Variants in CBL observed in about 807,000 individuals in gnomAD.
CBL encodes Cbl proto-oncogene.
In CBL, 45 loss-of-function variants were observed where a neutral mutation model predicts 96.9. The observed-to-expected ratio is 0.46, with a 90% confidence interval of 0.37 to 0.60. The LOEUF (loss-of-function observed/expected upper bound fraction) is 0.60. Among genes scored for constraint, CBL ranks in the 20% least tolerant of loss-of-function variants. The pLI is 0.00. For synonymous variants in CBL, 420 were observed against 426.8 expected (o/e 0.98, Z 0.20); for missense variants, 1,024 against 1,143.5 (o/e 0.90, Z 1.51).
chr11:119,301,473 T>A lies in CBL; in HGVS notation c.*1692T>A, dbSNP rs897169165. 11 of 224,122 alleles carry A rather than the reference T, an allele frequency of 4.9e-5. No individual in the cohort carries two copies. The highest frequency in any genetic ancestry group is 1.3e-3 in the Middle Eastern group (1 of 782). 13.9% of individuals were successfully genotyped at this position (224,122 alleles called of 1,614,324 possible). A position where few individuals can be genotyped will look rare whatever the true frequency, so the allele number is the denominator to read the frequency against. On this transcript the variant is annotated 3_prime_UTR_variant, in exon 16 of 16. Coordinates refer to ENST00000264033, the MANE Select transcript of CBL (RefSeq NM_005188.4). Reference sequence around the variant, plus strand: ...TGATAAATCTGTCTTCCTGAAAATCTAAATCATGCTTTTGTCTTTAGATCT... The same window carrying A: ...TGATAAATCTGTCTTCCTGAAAATCAAAATCATGCTTTTGTCTTTAGATCT...
chr11:119,302,774 A>G lies in CBL; in HGVS notation c.*2993A>G, dbSNP rs1165326652. On this transcript the variant is annotated 3_prime_UTR_variant, in exon 16 of 16. Transcript: ENST00000264033. The stretch of plus-strand genomic sequence containing the variant: ...TCATATACCTCCCTTTAGTTAAGTA[A>G]TAGACCAGGCAGCTTCTCATCTCAG... 1 of 230,982 alleles carries G rather than the reference A, an allele frequency of 4.3e-6. No homozygotes were observed. The highest frequency in any genetic ancestry group is 2.2e-5 in the African/African-American group (1 of 45,240). The allele number at this position is 230,982 out of a possible 1,614,324, so 14.3% of individuals were successfully genotyped here. A position where few individuals can be genotyped will look rare whatever the true frequency, so the allele number is the denominator to read the frequency against.
intron 12 of CBL, among the ~76,000 whole-genome samples, chr11:119,294,063 T>C (rs1402841781): frequency 2.6e-5 from 4 of 152,250 alleles, no homozygotes; most frequent in Non-Finnish European, 5.9e-5. Context: ...AAAGCATATA[T>C]TGCCAACATG....
chr11:119,265,177 A>C (rs962018225), intron 2 of CBL, among the ~76,000 whole-genome samples: 1 of 152,196 alleles, frequency 6.6e-6, no homozygotes, highest in African/African-American at 2.4e-5. Flanking sequence ...TGCTGCGCCC[A>C]GCCTAAATTA....
chr11:119,292,073 G>T (rs969110735), intron 12 of CBL, among the ~76,000 whole-genome samples: 1 of 152,024 alleles, frequency 6.6e-6, no homozygotes, highest in Admixed American at 6.6e-5. Context: ...GGCTGGTCTC[G>T]AACTGCTAAT....
At position 119,235,816 on chromosome 11, in the gene CBL, CTG is replaced by C. The variant is rs372453208; in HGVS notation, c.443+3123_443+3124del. ...TAAACCTCACTGTCAGTGTGCCTGT[CTG>C]TATCAATTTTATTCCCCCTAACATG... On this transcript the variant is annotated intron_variant, in intron 2 of 15. Transcript: ENST00000264033. 8.1e-4 allele frequency among the ~76,000 whole-genome samples: 123 copies of C among 152,204 alleles called. 1 individual carries two copies. Among genetic ancestry groups the C allele is most frequent in the African/African-American group, 2.8e-3 (118 of 41,526 alleles).
At chr11:119,255,750 A>G (rs1949706471) in intron 2 of CBL, among the ~76,000 whole-genome samples, 1 of 152,182 alleles carries the variant, frequency 6.6e-6, no homozygotes, top group South Asian at 2.1e-4. Flanking sequence ...GCAAAATTCT[A>G]TAATATATCA....
intron 1 of CBL, among the ~76,000 whole-genome samples, chr11:119,216,855 C>T (rs1949365579): frequency 6.6e-6 from 1 of 152,114 alleles, no homozygotes; most frequent in Non-Finnish European, 1.5e-5. Flanking sequence ...CCTCCCATCT[C>T]CCTACCTGTC....
At chr11:119,211,204 TC>T (rs1949315850) in intron 1 of CBL, among the ~76,000 whole-genome samples, 1 of 151,988 alleles carries the variant, frequency 6.6e-6, no homozygotes, top group Non-Finnish European at 1.5e-5. Flanking sequence ...AAACCCTGTC[TC>T]TACTAAAAAT....
At chr11:119,239,779 T>A (rs368011827) in intron 2 of CBL, among the ~76,000 whole-genome samples, 2 of 151,964 alleles carry the variant, frequency 1.3e-5, no homozygotes, top group Non-Finnish European at 2.9e-5. Flanking sequence ...AGTTTTTGGT[T>A]GTTGTTTTTT....
Position 119,273,910 on chromosome 11 carries a change from A to G in CBL, c.633A>G (p.Glu211=). 1 of 1,614,088 alleles carries G rather than the reference A, an allele frequency of 6.2e-7. No homozygotes were observed. The highest frequency in any genetic ancestry group is 8.5e-7 in the Non-Finnish European group (1 of 1,179,936). The stretch of plus-strand genomic sequence containing the variant: ...AGAGCTTTCGACAGGCTCTACATGA[A>G]GTGCATCCCATCAGTTCTGGGCTGG... ...PWKSFRQALH[E]VHPISSGLEA... is the part of the protein sequence containing the mutation. Residue 211 remains glutamate (E), a synonymous_variant, in exon 4 of 16, where the codon GAA becomes GAG. Transcript: ENST00000264033.
chr11:119,232,824 G>T (rs1949514609), intron 2 of CBL, 129 bp downstream of exon 2: 3 of 935,748 alleles, frequency 3.2e-6, no homozygotes, highest in African/African-American at 3.3e-5. Flanking sequence ...TGATTTAAAG[G>T]TATAGTTTAT....
chr11:119,271,215 G>A (rs990918956), intron 2 of CBL, among the ~76,000 whole-genome samples: 2 of 152,086 alleles, frequency 1.3e-5, no homozygotes, highest in South Asian at 2.1e-4. Flanking sequence ...TTTTTCTTCC[G>A]TGATAGAGTG....
At chr11:119,252,628 G>A (rs1949677476) in intron 2 of CBL, among the ~76,000 whole-genome samples, 1 of 152,038 alleles carries the variant, frequency 6.6e-6, no homozygotes, top group South Asian at 2.1e-4. Context: ...GGCCGAGGCG[G>A]GTGGATCACC....
chr11:119,254,628 G>A (rs1378616833), intron 2 of CBL, among the ~76,000 whole-genome samples: 1 of 151,540 alleles, frequency 6.6e-6, no homozygotes, highest in Admixed American at 6.6e-5. Flanking sequence ...TTGAGACAGA[G>A]TCTCGTCCTG....
chr11:119,264,457 C>CTTCT (rs1270997281), intron 2 of CBL, among the ~76,000 whole-genome samples: 5 of 118,496 alleles, frequency 4.2e-5, no homozygotes, highest in African/African-American at 6.1e-5. Context: ...CTTCTCTTCT[C>CTTCT]TTCTCTTTTC....
chr11:119,242,285 G>C (rs983584119), intron 2 of CBL, among the ~76,000 whole-genome samples: 1 of 152,076 alleles, frequency 6.6e-6, no homozygotes, highest in South Asian at 2.1e-4. Flanking sequence ...GCTCACGATT[G>C]TAATCCCAGC....
chr11:119,295,080 A>T (rs1450816658), intron 12 of CBL, among the ~76,000 whole-genome samples: 3 of 152,250 alleles, frequency 2.0e-5, no homozygotes, highest in African/African-American at 7.2e-5. Context: ...GATCTATTGT[A>T]GTAGAAGCAG....
At chr11:119,239,928 A>G (rs1949572377) in intron 2 of CBL, among the ~76,000 whole-genome samples, 1 of 152,176 alleles carries the variant, frequency 6.6e-6, no homozygotes, top group Admixed American at 6.6e-5. Flanking sequence ...TTGAAAAGAA[A>G]ACTAGTTTGA....
chr11:119,304,380 GT>G lies in CBL; in HGVS notation c.*4601del, dbSNP rs1950121083. 4.3e-6 allele frequency: 1 copy of G among 233,108 alleles called. No homozygotes were observed. The highest frequency in any genetic ancestry group is 8.5e-6 in the Non-Finnish European group (1 of 118,048). 14.4% of individuals were successfully genotyped at this position (233,108 alleles called of 1,614,324 possible). A position where few individuals can be genotyped will look rare whatever the true frequency, so the allele number is the denominator to read the frequency against. ...TTCTTTGGATCCAAGAAACAGAAAT[GT>G]TCAAGCGGAATAAAGGAGGGAGTGG... On this transcript the variant is annotated 3_prime_UTR_variant, in exon 16 of 16. Transcript: ENST00000264033.
Sources: allele counts gnomAD v4.1 joint callset (sites outside exome capture counted in the v4.1 genomes callset), GRCh38; gene constraint gnomAD v4.1.1; transcripts MANE v1.5; gene names NCBI Gene and HGNC (gene_info 2026-07-23, HGNC 2026-07-21).